The following RAG1 variants were observed in gnomAD, a reference collection of about 807,000 sequenced individuals.
The protein encoded by RAG1 is recombination activating 1, also known as V(D)J recombination-activating protein 1.
In RAG1, 35 loss-of-function variants were observed where a neutral mutation model predicts 62.7. The observed-to-expected ratio is 0.56, with a 90% confidence interval of 0.43 to 0.74. RAG1 has a LOEUF of 0.74. Among genes scored for constraint, RAG1 ranks in the 30% least tolerant of loss-of-function variants. RAG1 has a pLI of 0.00. For missense variants in RAG1, 1,169 were observed against 1,278.6 expected, an observed-to-expected ratio of 0.91 and a Z score of 1.31; for synonymous variants, 461 against 470.3, an observed-to-expected ratio of 0.98 and a Z score of 0.26.
At chr11:36,532,526 T>A (rs2133257191) in intron 2 of RAG1, among the ~76,000 whole-genome samples, 1 of 152,304 alleles carries the variant, frequency 6.6e-6, no homozygotes, top group Admixed American at 6.5e-5. Context: ...AGTACAGAAA[T>A]CCACCTTATC....
intron 1 of RAG1, among the ~76,000 whole-genome samples, chr11:36,569,561 T>G (rs1850708780): frequency 6.6e-6 from 1 of 152,224 alleles, no homozygotes; most frequent in Non-Finnish European, 1.5e-5. Context: ...TATTTGAAAT[T>G]AGCCAGATCT....
intron 3 of RAG1, among the ~76,000 whole-genome samples, chr11:36,545,602 A>G (rs576681615): frequency 2.0e-4 from 31 of 152,298 alleles, no homozygotes; most frequent in Non-Finnish European, 4.0e-4. Context: ...CAAACAGTGA[A>G]TATGTAATTT....
rs1418074491 is a variant in RAG1 at position 36,575,962 on chromosome 11, G to A, written c.2658G>A (p.Met886Ile). Reference protein sequence around the residue: ...EERHEALRELMDLYLKMKPVW... With the variant: ...EERHEALRELIDLYLKMKPVW... Reference sequence around the variant, plus strand: ...GGCACGAGGCTCTGAGGGAGCTGATGGATCTTTACCTGAAGATGAAACCAG... The same window carrying A: ...GGCACGAGGCTCTGAGGGAGCTGATAGATCTTTACCTGAAGATGAAACCAG... Residue 886 changes from methionine (M) to isoleucine (I), a missense_variant, in exon 2 of 2, where the codon ATG (methionine) becomes ATA (isoleucine). Met to Ile is a conservative substitution (Grantham distance 10, BLOSUM62 1). Transcript: ENST00000299440. The surrounding 1 kb of genome is among the most constrained non-coding windows in gnomAD (Gnocchi z 4.1). 2 of 1,614,048 alleles carry A rather than the reference G, an allele frequency of 1.2e-6. No homozygotes were observed. Among genetic ancestry groups the A allele is most frequent in the Non-Finnish European group, 8.5e-7 (1 of 1,180,024 alleles).
chr11:36,528,157 C>A (rs1294944960), intron 2 of RAG1, among the ~76,000 whole-genome samples: 1 of 152,158 alleles, frequency 6.6e-6, no homozygotes, highest in African/African-American at 2.4e-5. Context: ...TAGACATCTA[C>A]AGAACTCTCC....
intron 3 of RAG1, among the ~76,000 whole-genome samples, chr11:36,557,470 C>T (rs541080799): frequency 1.3e-4 from 19 of 147,168 alleles, no homozygotes; most frequent in South Asian, 8.5e-4. Context: ...TGCTTCGGCT[C>T]GCGCACGGTG....
intron 3 of RAG1, among the ~76,000 whole-genome samples, chr11:36,547,762 CT>C (rs1249582818): frequency 6.6e-6 from 1 of 152,288 alleles, no homozygotes; most frequent in East Asian, 1.9e-4. Context: ...GGAATCCCCC[CT>C]AACTCATTTT....
At chr11:36,546,033 G>A (rs546116838) in intron 3 of RAG1, among the ~76,000 whole-genome samples, 8 of 152,218 alleles carry the variant, frequency 5.3e-5, no homozygotes, top group South Asian at 4.1e-4. Flanking sequence ...TTTTAGAATA[G>A]GTGCTAAGAA....
chr11:36,531,697 AT>A (rs1860259188), intron 2 of RAG1, among the ~76,000 whole-genome samples: 1 of 151,882 alleles, frequency 6.6e-6, no homozygotes, highest in Non-Finnish European at 1.5e-5. Flanking sequence ...AGTCTATTGT[AT>A]TTACTGATAT....
At chr11:36,572,702 C>T (rs1027671899) in intron 1 of RAG1, among the ~76,000 whole-genome samples, 1 of 152,162 alleles carries the variant, frequency 6.6e-6, no homozygotes, top group Non-Finnish European at 1.5e-5. Context: ...TATTAGTTTG[C>T]ATTCATAAAG....
chr11:36,564,508 T>G (rs973026028), upstream of RAG1, among the ~76,000 whole-genome samples: 1 of 152,210 alleles, frequency 6.6e-6, no homozygotes, highest in Non-Finnish European at 1.5e-5. Flanking sequence ...CTTTTTCTCA[T>G]GGCTTTTTCT....
In RAG1 at chr11:36,576,513, C is replaced by A; in HGVS notation, c.*77C>A. 6.5e-7 allele frequency: 1 copy of A among 1,533,030 alleles called. No individual in the cohort carries two copies. Among genetic ancestry groups the A allele is most frequent in the South Asian group, 1.1e-5 (1 of 88,508 alleles). The allele number at this position is 1,533,030 out of a possible 1,614,324, so 95.0% of individuals were successfully genotyped here. On this transcript the variant is annotated 3_prime_UTR_variant, in exon 2 of 2. Transcript: ENST00000299440. Reference sequence around the variant, plus strand: ...TGCATTGAGGGCTTCTCCTAGCACCCTTTACTGCTGTGTATGGGGCTTCAC... The same window carrying A: ...TGCATTGAGGGCTTCTCCTAGCACCATTTACTGCTGTGTATGGGGCTTCAC...
At chr11:36,536,347 C>T (rs1221148833), downstream of RAG1, among the ~76,000 whole-genome samples, 2 of 152,104 alleles carry the variant, frequency 1.3e-5, no homozygotes, top group Admixed American at 1.3e-4. Context: ...TCTTAACCAT[C>T]ATGTTGAATG....
Position 36,576,563 on chromosome 11 carries a change from T to A in RAG1, c.*127T>A. 1 of 1,149,398 alleles carries A rather than the reference T, an allele frequency of 8.7e-7. No individual in the cohort carries two copies. Among genetic ancestry groups the A allele is most frequent in the Non-Finnish European group, 1.3e-6 (1 of 776,478 alleles). 71.2% of individuals were successfully genotyped at this position (1,149,398 alleles called of 1,614,324 possible). ...CCATCCAAGAGGTGGTAGGTTGGAGTAAGATGCTACAGATGCTCTCAAGTC... is the reference window on the plus strand; with the variant it reads ...CCATCCAAGAGGTGGTAGGTTGGAGAAAGATGCTACAGATGCTCTCAAGTC... On this transcript the variant is annotated 3_prime_UTR_variant, in exon 2 of 2. Transcript: ENST00000299440.
upstream of RAG1, among the ~76,000 whole-genome samples, chr11:36,566,047 GA>G (rs1297094360): frequency 6.6e-6 from 1 of 152,024 alleles, no homozygotes; most frequent in East Asian, 1.9e-4. Context: ...ATGAAAAATT[GA>G]GCAATACAGA....
chr11:36,540,497 C>T (rs975121444), downstream of RAG1, among the ~76,000 whole-genome samples: 10 of 152,086 alleles, frequency 6.6e-5, no homozygotes, highest in Non-Finnish European at 1.0e-4. Context: ...CTCCACCTCC[C>T]GGGTTCACGC....
downstream of RAG1, among the ~76,000 whole-genome samples, chr11:36,540,475 G>C (rs1450358447): frequency 6.6e-6 from 1 of 152,116 alleles, no homozygotes; most frequent in Non-Finnish European, 1.5e-5. Context: ...CATGATCTCG[G>C]CTCACTGCAA....
chr11:36,564,158 C>T (rs1167996628), upstream of RAG1, among the ~76,000 whole-genome samples: 1 of 152,192 alleles, frequency 6.6e-6, no homozygotes, highest in Non-Finnish European at 1.5e-5. Context: ...GTCCTCATAT[C>T]TTCTCTTGTT....
intron 3 of RAG1, among the ~76,000 whole-genome samples, chr11:36,550,303 G>A (rs150073298): frequency 1.3e-5 from 2 of 151,840 alleles, no homozygotes; most frequent in Admixed American, 6.6e-5. Flanking sequence ...GTTAAGAATT[G>A]TATACCAAAT....
Position 36,527,115 on chromosome 11 carries a change from T to C in RAG1, n.428+6886T>C, listed in dbSNP as rs368507329. Among the ~76,000 whole-genome samples, 26 of 152,354 alleles carry C rather than the reference T, an allele frequency of 1.7e-4. No homozygotes were observed. In the East Asian group the frequency reaches 3.9e-3, roughly 23 times the overall value. On this transcript the variant is annotated intron_variant and non_coding_transcript_variant, in intron 2 of 2. Coordinates refer to the RAG1 transcript ENST00000529126. ...AGATCCCATTTGTTAAGTTTGGCTT[T>C]TGTTACCATTGCTTTTGGTGTTTTA...
Sources: allele counts gnomAD v4.1 joint callset (sites outside exome capture counted in the v4.1 genomes callset), GRCh38; gene constraint gnomAD v4.1.1; non-coding constraint Gnocchi (gnomAD v3.1); transcripts MANE v1.5; gene names NCBI Gene and HGNC (gene_info 2026-07-23, HGNC 2026-07-21).